The following ZNF197 variants were observed in gnomAD, a reference collection of about 807,000 sequenced individuals.
ZNF197 encodes zinc finger protein 197.
A neutral mutation model predicts 27.4 loss-of-function variants in ZNF197; 14 were observed. The observed-to-expected ratio is 0.51, with a 90% CI of 0.34 to 0.80. The LOEUF is 0.80. Among genes scored for constraint, ZNF197 ranks in the 30% least tolerant of loss-of-function variants. The pLI is 0.02. For synonymous variants in ZNF197, 415 were observed against 420.0 expected (o/e 0.99, Z 0.15); for missense variants, 1,090 against 1,222.6 (o/e 0.89, Z 1.62).
In ZNF197 at chr3:44,646,254, A is replaced by G. The variant is rs1342269240; in HGVS notation, c.*2034A>G. On this transcript the variant is annotated 3_prime_UTR_variant, in exon 6 of 6. Transcript: ENST00000344387. ...ATCTACCTCACAAAGTTCTTATGAG[A>G]TAATGAATATAAAAATGTTTCATCC... 3 of 983,920 alleles carry G rather than the reference A, an allele frequency of 3.0e-6. No homozygotes were observed. The African/African-American group carries it at 5.2e-5, about 17-fold the overall frequency. 60.9% of individuals were successfully genotyped at this position (983,920 alleles called of 1,614,324 possible).
intron 2 of ZNF197, chr3:44,630,803 C>A (rs563474549): frequency 1.6e-6 from 1 of 629,288 alleles, no homozygotes; most frequent in African/African-American, 1.8e-5. Context: ...CCCTCCTTAA[C>A]CCACACCCAG....
rs1048836335 is a variant in ZNF197, at chr3:44,629,263, G to A, written c.109G>A (p.Val37Ile). Reference sequence around the variant, plus strand: ...CAGCTTCCAAGGAAGTAGCTCCTCTGTTTGGGAGACCTCCCACCTACACTT... The same window carrying A: ...CAGCTTCCAAGGAAGTAGCTCCTCTATTTGGGAGACCTCCCACCTACACTT... ...GTSFQGSSSS[V>I]WETSHLHFRQ... is the part of the protein sequence containing the mutation. The change falls in exon 2 of 6, where the codon GTT becomes ATT. Residue 37 changes from valine to isoleucine, a missense_variant. Val to Ile is a conservative substitution (Grantham distance 29). Coordinates refer to ENST00000344387, the MANE Select transcript of ZNF197 (RefSeq NM_006991.5). 3 of 1,614,050 alleles carry A rather than the reference G, an allele frequency of 1.9e-6. No homozygotes were observed. The highest frequency in any genetic ancestry group is 2.5e-6 in the Non-Finnish European group (3 of 1,180,042).
rs751218299 is a variant in ZNF197 at position 44,631,190 on chromosome 3, A to G, written c.519A>G (p.Leu173=). Residue 173 remains leucine, a synonymous_variant, in exon 3 of 6, where the codon CTA becomes CTG. Coordinates refer to ENST00000344387, the MANE Select transcript of ZNF197 (RefSeq NM_006991.5). ...AEICPHPPTD[L]VAFNLQDPQH... is the part of the protein sequence containing the mutation. ...TTTGCCCGCATCCTCCTACTGACCT[A>G]GTGGCATTCAACCTCCAGGATCCTC... 1 of 1,613,952 alleles carries G rather than the reference A, an allele frequency of 6.2e-7. No individual in the cohort carries two copies. The highest frequency in any genetic ancestry group is 8.5e-7 in the Non-Finnish European group (1 of 1,180,026).
Position 44,646,156 on chromosome 3 carries a change from C to T in ZNF197, c.*1936C>T, listed in dbSNP as rs1702944316. ...AGACCTGGATGTGGTTCAGGTTTTG[C>T]CATCTGCCTCAGAAAAAATCTCTTC... On this transcript the variant is annotated 3_prime_UTR_variant, in exon 6 of 6. Coordinates refer to ENST00000344387, the MANE Select transcript of ZNF197 (RefSeq NM_006991.5). 1.0e-6 allele frequency: 1 copy of T among 983,128 alleles called. No individual in the cohort carries two copies. Among genetic ancestry groups the T allele is most frequent in the Non-Finnish European group, 1.2e-6 (1 of 828,020 alleles). The allele number at this position is 983,128 out of a possible 1,614,324, so 60.9% of individuals were successfully genotyped here.
rs1001458223 is a variant in ZNF197, at chr3:44,640,254, A to C, written c.770-1646A>C. 6.6e-6 allele frequency among the ~76,000 whole-genome samples: 1 copy of C among 152,240 alleles called. No individual in the cohort carries two copies. Among genetic ancestry groups the C allele is most frequent in the Non-Finnish European group, 1.5e-5 (1 of 68,044 alleles). On this transcript the variant is annotated intron_variant, in intron 5 of 5. Transcript: ENST00000344387. The surrounding 1 kb of genome is among the most constrained non-coding windows in gnomAD (Gnocchi z 4.0). ...TTAGCTACTGATACAAGAGTTGCTA[A>C]TTTCTTAACCATTTTCCATCTCAGT...
Position 44,631,103 on chromosome 3 carries a change from G to A in ZNF197, c.432G>A (p.Val144=). The A allele has an allele frequency of 6.2e-7, 1 of 1,614,144 alleles. No homozygotes were observed. The highest frequency in any genetic ancestry group is 8.5e-7 in the Non-Finnish European group (1 of 1,180,040). The change falls in exon 3 of 6, where the codon GTG becomes GTA. Residue 144 remains valine (V), a synonymous_variant. Coordinates refer to ENST00000344387, the MANE Select transcript of ZNF197 (RefSeq NM_006991.5). The part of the protein sequence containing the change: ...LVKDQDTLQK[V]VSAPGTTLPP... ...AGGATCAGGACACTCTCCAGAAGGTGGTGAGTGCCCCAGGAACAACACTTC... is the reference window on the plus strand; with the variant it reads ...AGGATCAGGACACTCTCCAGAAGGTAGTGAGTGCCCCAGGAACAACACTTC...
Position 44,642,889 on chromosome 3 carries a change from G to T in ZNF197, c.1759G>T (p.Val587Phe), listed in dbSNP as rs750834106. 1 of 1,614,120 alleles carries T rather than the reference G, an allele frequency of 6.2e-7. No individual in the cohort carries two copies. The highest frequency in any genetic ancestry group is 1.1e-5 in the South Asian group (1 of 91,076). Residue 587 changes from valine to phenylalanine, a missense_variant, in exon 6 of 6, where the codon GTC becomes TTC. Val to Phe is a conservative substitution (Grantham distance 50). Transcript: ENST00000344387. ...RSKSLLLHQR[V>F]HTEKKTFGCK... The stretch of plus-strand genomic sequence containing the variant: ...CAAAAGCCTCCTCTTACATCAGAGA[G>T]TCCACACAGAAAAGAAAACCTTTGG...
Position 44,644,152 on chromosome 3 carries a change from C to T in ZNF197, c.3022C>T (p.His1008Tyr). Residue 1008 changes from histidine to tyrosine, a missense_variant, in exon 6 of 6, where the codon CAT (histidine) becomes TAT (tyrosine). Coordinates refer to ENST00000344387, the MANE Select transcript of ZNF197 (RefSeq NM_006991.5). The stretch of plus-strand genomic sequence containing the variant: ...CAACCTTCATCTTCAACAGAAAATC[C>T]ATACCATTGAGGAATTCTCTTGGCT... ...TSNLHLQQKI[H>Y]TIEEFSWLQN... The T allele has an allele frequency of 6.2e-7, 1 of 1,613,638 alleles. No individual in the cohort carries two copies. The highest frequency in any genetic ancestry group is 8.5e-7 in the Non-Finnish European group (1 of 1,179,886).
Position 44,646,641 on chromosome 3 carries a change from G to A in ZNF197, c.*2421G>A. The A allele has an allele frequency of 4.3e-6, 3 of 703,554 alleles. No individual in the cohort carries two copies. The highest frequency in any genetic ancestry group is 2.6e-6 in the Non-Finnish European group (1 of 388,918). The allele number at this position is 703,554 out of a possible 1,614,324, so 43.6% of individuals were successfully genotyped here. On this transcript the variant is annotated 3_prime_UTR_variant, in exon 6 of 6. Coordinates refer to ENST00000344387, the MANE Select transcript of ZNF197 (RefSeq NM_006991.5). ...AGAGAGGGGAGTGAAAATTGTTCAAGCTGTCTTGAGTCTGCTGTGAGTTTA... is the reference window on the plus strand; with the variant it reads ...AGAGAGGGGAGTGAAAATTGTTCAAACTGTCTTGAGTCTGCTGTGAGTTTA...
intron 2 of ZNF197, among the ~76,000 whole-genome samples, chr3:44,630,487 G>A (rs1701926091): frequency 1.3e-5 from 2 of 152,274 alleles, no homozygotes; most frequent in African/African-American, 2.4e-5. Context: ...CTTGGGTGTG[G>A]CATTAAGGAT....
Position 44,642,427 on chromosome 3 carries a change from A to G in ZNF197, c.1297A>G (p.Lys433Glu). Residue 433 changes from lysine to glutamate, a missense_variant, in exon 6 of 6, where the codon AAA (lysine) becomes GAA (glutamate). Lys to Glu is a moderately conservative substitution (Grantham distance 56). Coordinates refer to ENST00000344387, the MANE Select transcript of ZNF197 (RefSeq NM_006991.5). ...EKPYKCNECGKAFSQSAYLLN... is the reference protein window; with the variant it reads ...EKPYKCNECGEAFSQSAYLLN... ...ACCTTATAAATGTAATGAATGTGGG[A>G]AAGCATTTTCTCAAAGTGCTTACCT... is the stretch of plus-strand genomic sequence containing the variant. The G allele has an allele frequency of 6.2e-7, 1 of 1,614,160 alleles. No individual in the cohort carries two copies. The highest frequency in any genetic ancestry group is 1.1e-5 in the South Asian group (1 of 91,082).
At position 44,631,153 on chromosome 3, in the gene ZNF197, T is replaced by C. The variant is rs1168118707; in HGVS notation, c.482T>C (p.Ile161Thr). Residue 161 changes from isoleucine (I) to threonine (T), a missense_variant, in exon 3 of 6, where the codon ATA becomes ACA. Transcript: ENST00000344387. ...CCTCCTGTACTTCCTGGCAGCCACA[T>C]AGCAGCTGAAATTTGCCCGCATCCT... The part of the protein sequence containing the change: ...TLPPVLPGSH[I>T]AAEICPHPPT... The C allele has an allele frequency of 6.2e-7, 1 of 1,614,182 alleles. No homozygotes were observed. The highest frequency in any genetic ancestry group is 2.2e-5 in the East Asian group (1 of 44,870).
chr3:44,632,030 T>C, intron 3 of ZNF197, 75 bp from the exon 4 acceptor site: 1 of 1,294,380 alleles, frequency 7.7e-7, no homozygotes, highest in Non-Finnish European at 1.1e-6. Context: ...ACTCTTTGTG[T>C]TATTCCAGCT....
At position 44,644,246 on chromosome 3, in the gene ZNF197, C is replaced by A. The variant is rs201646484; in HGVS notation, c.*26C>A. 5.5e-5 allele frequency: 86 copies of A among 1,550,078 alleles called. No individual in the cohort carries two copies. In the African/African-American group the frequency reaches 8.9e-4, roughly 16 times the overall value. ...TGTCATATGTAAAATGGAATAGAAT[C>A]CCTGCCTACTTAAGTAACTGTTGGA... On this transcript the variant is annotated 3_prime_UTR_variant, in exon 6 of 6. Coordinates refer to ENST00000344387, the MANE Select transcript of ZNF197 (RefSeq NM_006991.5).
chr3:44,641,790 G>C, intron 5 of ZNF197, 110 bp from the exon 6 acceptor site: 1 of 1,243,436 alleles, frequency 8.0e-7, no homozygotes, highest in Non-Finnish European at 1.1e-6. Context: ...TCTCCTTTTT[G>C]TATGCATATT....
At position 44,643,336 on chromosome 3, in the gene ZNF197, T is replaced by C; in HGVS notation, c.2206T>C (p.Cys736Arg). The C allele has an allele frequency of 6.2e-7, 1 of 1,613,960 alleles. No individual in the cohort carries two copies. The highest frequency in any genetic ancestry group is 8.5e-7 in the Non-Finnish European group (1 of 1,179,962). Residue 736 changes from cysteine to arginine, a missense_variant, in exon 6 of 6, where the codon TGT becomes CGT. Cys to Arg is a radical substitution (Grantham distance 180, BLOSUM62 -3). Transcript: ENST00000344387. ...CCATACACAAGAGAAAGCCTACAAATGTGAGGATTGTGGGAAGGCTTTCAG... is the reference window on the plus strand; with the variant it reads ...CCATACACAAGAGAAAGCCTACAAACGTGAGGATTGTGGGAAGGCTTTCAG... ...KLHTQEKAYK[C>R]EDCGKAFSYN...
In ZNF197 at chr3:44,648,373, T is replaced by G. The variant is rs949678958; in HGVS notation, c.*4153T>G. On this transcript the variant is annotated 3_prime_UTR_variant, in exon 6 of 6. Coordinates refer to ENST00000344387, the MANE Select transcript of ZNF197 (RefSeq NM_006991.5). ...TCAGGCAAACATAGCAAAATGTTCA[T>G]TGTTGAGTCCACATGGAAAATACGG... 1 of 152,246 alleles carries G rather than the reference T, an allele frequency of 6.6e-6. No individual in the cohort carries two copies. Among genetic ancestry groups the G allele is most frequent in the South Asian group, 2.1e-4 (1 of 4,832 alleles). The allele number at this position is 152,246 out of a possible 1,614,324, so 9.4% of individuals were successfully genotyped here.
Position 44,647,540 on chromosome 3 carries a change from T to A in ZNF197, c.*3320T>A, listed in dbSNP as rs1354400099. ...CTTTATTTGTAATGGTCGAAACCTGTAGGCAACCCATATATCCTTCCTTAG... is the reference window on the plus strand; with the variant it reads ...CTTTATTTGTAATGGTCGAAACCTGAAGGCAACCCATATATCCTTCCTTAG... On this transcript the variant is annotated 3_prime_UTR_variant, in exon 6 of 6. Coordinates refer to ENST00000344387, the MANE Select transcript of ZNF197 (RefSeq NM_006991.5). 1 of 152,212 alleles carries A rather than the reference T, an allele frequency of 6.6e-6. No individual in the cohort carries two copies. Among genetic ancestry groups the A allele is most frequent in the Non-Finnish European group, 1.5e-5 (1 of 68,042 alleles). The allele number at this position is 152,212 out of a possible 1,614,324, so 9.4% of individuals were successfully genotyped here.
rs200642048 is a variant in ZNF197 at position 44,631,069 on chromosome 3, T to G, written c.398T>G (p.Val133Gly). ...DLDGPAIQVPVLVKDQDTLQK... is the reference protein window; with the variant it reads ...DLDGPAIQVPGLVKDQDTLQK... Reference sequence around the variant, plus strand: ...TATTTTACTTGTTTCCAGGTTCCAGTCCTTGTCAAGGATCAGGACACTCTC... The same window carrying G: ...TATTTTACTTGTTTCCAGGTTCCAGGCCTTGTCAAGGATCAGGACACTCTC... The change falls in exon 3 of 6, where the codon GTC becomes GGC. Residue 133 changes from valine to glycine, a missense_variant. By Grantham distance (109) the Val-to-Gly change is moderately radical (BLOSUM62 -3). Transcript: ENST00000344387. The G allele has an allele frequency of 1.1e-4, 173 of 1,613,978 alleles. No homozygotes were observed. Among genetic ancestry groups the G allele is most frequent in the Non-Finnish European group, 1.5e-4 (172 of 1,180,016 alleles).
Sources: allele counts gnomAD v4.1 joint callset (sites outside exome capture counted in the v4.1 genomes callset), GRCh38; gene constraint gnomAD v4.1.1; non-coding constraint Gnocchi (gnomAD v3.1); transcripts MANE v1.5; gene names NCBI Gene and HGNC (gene_info 2026-07-23, HGNC 2026-07-21).